The following TFEB variants were observed in gnomAD, a reference collection of about 807,000 sequenced individuals.
The protein encoded by TFEB is T-cell transcription factor EB.
Under a neutral mutation model 48.0 loss-of-function variants are expected in TFEB, and 12 were observed. The ratio of observed to expected loss-of-function variants is 0.25; its 90% CI spans 0.16 to 0.40. The LOEUF (loss-of-function observed/expected upper bound fraction) is 0.40, where lower values mean the gene tolerates loss of function less well. TFEB is among the 10% of genes least tolerant of loss of function. The pLI, the probability that TFEB is intolerant of heterozygous loss-of-function variation, is 1.00. For missense variants in TFEB, 509 were observed against 640.3 expected, an observed-to-expected ratio of 0.79 and a Z score of 2.21; for synonymous variants, 244 against 261.4, an observed-to-expected ratio of 0.93 and a Z score of 0.64.
At chr6:41,735,048 T>G in intron 1 of TFEB, 3 of 985,090 alleles carry the variant, frequency 3.0e-6, no homozygotes, top group Non-Finnish European at 3.6e-6. Context: ...GGAAGGCCCA[T>G]GCCCGCCCGG....
Position 41,723,574 on chromosome 6 carries a change from CG to C in TFEB, c.-23+11775del. On this transcript the variant is annotated intron_variant, in intron 1 of 8. Coordinates refer to ENST00000373033, the MANE Select transcript of TFEB (RefSeq NM_001271944.2). This position sits in a 1 kb window ranked among gnomAD's most constrained non-coding sequence, Gnocchi z 6.0. Reference sequence around the variant, plus strand: ...GCCGGGCTCAGTTTCCTCATTTCCCCGGCGGCTGCTGTTTCTCACCCAGCCC... The same window carrying C: ...GCCGGGCTCAGTTTCCTCATTTCCCCGCGGCTGCTGTTTCTCACCCAGCCC... 2 of 1,249,772 alleles carry C rather than the reference CG, an allele frequency of 1.6e-6. No homozygotes were observed. The highest frequency in any genetic ancestry group is 2.2e-4 in the Middle Eastern group (1 of 4,464). The allele number at this position is 1,249,772 out of a possible 1,614,324, so 77.4% of individuals were successfully genotyped here.
At chr6:41,708,851 G>T (rs1416409591) in intron 1 of TFEB, among the ~76,000 whole-genome samples, 1 of 152,222 alleles carries the variant, frequency 6.6e-6, no homozygotes, top group African/African-American at 2.4e-5. Flanking sequence ...AGTCACTGGG[G>T]AGACTGGTCA....
intron 1 of TFEB, among the ~76,000 whole-genome samples, chr6:41,721,221 G>C (rs1475857042): frequency 6.6e-6 from 1 of 152,184 alleles, no homozygotes; most frequent in Non-Finnish European, 1.5e-5. Context: ...CTGAGGACAG[G>C]CACCCTGGCC....
chr6:41,728,258 C>T (rs1322894449), intron 1 of TFEB, among the ~76,000 whole-genome samples: 23 of 152,222 alleles, frequency 1.5e-4, no homozygotes, highest in Admixed American at 1.5e-3. Context: ...TTGGCCAGCC[C>T]AGTGCCAGGT....
chr6:41,688,063 T>C, intron 4 of TFEB, 35 bp from the exon 5 acceptor site: 1 of 1,587,710 alleles, frequency 6.3e-7, no homozygotes, highest in Non-Finnish European at 8.6e-7. Context: ...CCCATGAGTA[T>C]CCCCCTCTCC....
rs778239083 is a variant in TFEB, at chr6:41,687,828, G to GGA, written c.671-21_671-20dup. On this transcript the variant is annotated intron_variant, in intron 5 of 8. Transcript: ENST00000373033. ...TCAGCATCTGGAGGCCAAAAGAGAA[G>GGA]GAGAGAGGAGCTGGGAGGGAGGGAG... is the stretch of plus-strand genomic sequence containing the variant. 3 of 1,613,062 alleles carry GGA rather than the reference G, an allele frequency of 1.9e-6. No homozygotes were observed. The Admixed American group carries it at 5.0e-5, about 27-fold the overall frequency.
intron 1 of TFEB, among the ~76,000 whole-genome samples, chr6:41,710,573 A>G (rs1366890275): frequency 6.6e-6 from 1 of 152,212 alleles, no homozygotes; most frequent in African/African-American, 2.4e-5. Flanking sequence ...GGGAGCAAAA[A>G]CAAAATGAAA....
intron 1 of TFEB, among the ~76,000 whole-genome samples, chr6:41,708,269 T>G (rs1396915038): frequency 2.0e-5 from 3 of 152,204 alleles, no homozygotes; most frequent in African/African-American, 2.4e-5. Flanking sequence ...TGGGGAAGCC[T>G]CTTGGACATA....
chr6:41,713,812 C>G (rs1356367805), intron 1 of TFEB, among the ~76,000 whole-genome samples: 4 of 152,218 alleles, frequency 2.6e-5, no homozygotes, highest in African/African-American at 4.8e-5. Context: ...CCCTCACGCC[C>G]AGTCATAACG....
At chr6:41,733,829 G>C (rs953293599) in intron 1 of TFEB, 1 of 985,638 alleles carries the variant, frequency 1.0e-6, no homozygotes, top group Admixed American at 6.1e-5. Context: ...CAAGAACTGC[G>C]TTCTAACCGA....
chr6:41,716,608 T>C (rs544521286), intron 1 of TFEB, among the ~76,000 whole-genome samples: 43 of 152,340 alleles, frequency 2.8e-4, no homozygotes, highest in African/African-American at 1.0e-3. Context: ...TAGAAGATTC[T>C]GTCCTTGCTC....
intron 1 of TFEB, among the ~76,000 whole-genome samples, chr6:41,711,826 C>A (rs1023852122): frequency 6.6e-6 from 1 of 152,204 alleles, no homozygotes; most frequent in East Asian, 1.9e-4. Context: ...CATGGGCCTG[C>A]GGCAGAGGCA....
rs1771580165 is a variant in TFEB, at chr6:41,734,333, G to T, written c.-23+1017C>A. The T allele has an allele frequency of 9.1e-6, 9 of 984,772 alleles. 1 individual carries two copies. In the South Asian group the frequency reaches 3.8e-4, roughly 41 times the overall value. 61.0% of individuals were successfully genotyped at this position (984,772 alleles called of 1,614,324 possible). ...CTCACCCGGGGCGCGGGGCTGGGGC[G>T]CGCCAGGCGGCTGCGGCGCGAACCT... is the stretch of plus-strand genomic sequence containing the variant. On this transcript the variant is annotated intron_variant, in intron 1 of 8. Transcript: ENST00000373033. This position sits in a 1 kb window ranked among gnomAD's most constrained non-coding sequence, Gnocchi z 4.0.
In TFEB at chr6:41,734,803, C is replaced by G. The variant is rs985865192; in HGVS notation, c.-23+547G>C. On this transcript the variant is annotated intron_variant, in intron 1 of 8. Transcript: ENST00000373033. This position sits in a 1 kb window ranked among gnomAD's most constrained non-coding sequence, Gnocchi z 4.0. ...AGGGAGAGATGGTACTTCCACCCGC[C>G]CCCCCATCAGCCCAGCCCCCGGGGC... is the stretch of plus-strand genomic sequence containing the variant. 646 of 778,076 alleles carry G rather than the reference C, an allele frequency of 8.3e-4. 1 individual carries two copies. Among genetic ancestry groups the G allele is most frequent in the Non-Finnish European group, 9.3e-4 (595 of 640,728 alleles). The allele number at this position is 778,076 out of a possible 1,614,324, so 48.2% of individuals were successfully genotyped here.
At chr6:41,700,146 A>T (rs1199460722) in intron 1 of TFEB, among the ~76,000 whole-genome samples, 1 of 152,184 alleles carries the variant, frequency 6.6e-6, no homozygotes, top group Non-Finnish European at 1.5e-5. Flanking sequence ...GGACTGACCA[A>T]CCCCTATTTG....
chr6:41,734,961 G>C lies in TFEB; in HGVS notation c.-23+389C>G. On this transcript the variant is annotated intron_variant, in intron 1 of 8. Coordinates refer to ENST00000373033, the MANE Select transcript of TFEB (RefSeq NM_001271944.2). This position sits in a 1 kb window ranked among gnomAD's most constrained non-coding sequence, Gnocchi z 4.0. ...TGTCCGGTGGAGGGGGAGTGGGCGC[G>C]GGGCCCGCGCGTCCCTCAAACTTCT... 2 of 985,442 alleles carry C rather than the reference G, an allele frequency of 2.0e-6. No individual in the cohort carries two copies. Among genetic ancestry groups the C allele is most frequent in the Non-Finnish European group, 2.4e-6 (2 of 829,984 alleles). 61.0% of individuals were successfully genotyped at this position (985,442 alleles called of 1,614,324 possible).
chr6:41,706,824 C>G (rs556271124), intron 1 of TFEB, among the ~76,000 whole-genome samples: 193 of 152,134 alleles, frequency 1.3e-3, no homozygotes, highest in African/African-American at 4.5e-3. Flanking sequence ...CATCTCCCCC[C>G]GCCCACACCC....
chr6:41,690,685 A>C lies in TFEB; in HGVS notation c.446T>G (p.Ile149Ser). The C allele has an allele frequency of 6.5e-7, 1 of 1,537,808 alleles. No individual in the cohort carries two copies. The highest frequency in any genetic ancestry group is 1.2e-5 in the South Asian group (1 of 80,486). The change falls in exon 3 of 9, where the codon ATT (isoleucine) becomes AGT (serine). Residue 149 changes from isoleucine to serine, a missense_variant. Coordinates refer to ENST00000373033, the MANE Select transcript of TFEB (RefSeq NM_001271944.2). ...CACCTCCCTCTCAGGGTTGGAGCCA[A>C]TGTGCAGCATGGCCATGGGGCTATT... ...APNSPMAMLH[I>S]GSNPERELDD...
At chr6:41,713,297 C>T (rs908659464) in intron 1 of TFEB, among the ~76,000 whole-genome samples, 2 of 152,116 alleles carry the variant, frequency 1.3e-5, no homozygotes, top group Non-Finnish European at 2.9e-5. Flanking sequence ...GATGGCGAGG[C>T]GGGTGGTGGG....
Sources: gnomAD v4.1 joint callset for allele counts (sites outside exome capture counted in the v4.1 genomes callset) on GRCh38, gnomAD v4.1.1 for gene constraint, Gnocchi (gnomAD v3.1) non-coding constraint, MANE v1.5 for transcripts, NCBI Gene and HGNC (gene_info 2026-07-23, HGNC 2026-07-21) for gene names.